EYS: variants seen among roughly 807,000 people sequenced by gnomAD.
EYS encodes EGF-like photoreceptor maintenance factor.
A neutral mutation model predicts 282.1 loss-of-function variants in EYS; 250 were observed. The ratio of observed to expected loss-of-function variants is 0.89; its 90% CI spans 0.80 to 0.98. EYS has a LOEUF of 0.98. Among genes scored for constraint, EYS ranks in the 50% least tolerant of loss-of-function variants. The pLI is 0.00. For synonymous variants in EYS, 1,355 were observed against 1,282.9 expected (o/e 1.06, Z -1.20); for missense variants, 4,016 against 3,709.0 (o/e 1.08, Z -2.15).
Position 63,940,669 on chromosome 6 carries a change from A to AC in EYS, c.7055+43713dup, listed in dbSNP as rs780412549. Among the ~76,000 whole-genome samples, 6 of 151,382 alleles carry AC rather than the reference A, an allele frequency of 4.0e-5. No homozygotes were observed. The East Asian group carries it at 1.2e-3, about 29-fold the overall frequency. ...GAGGAGAAAGGATATCTGCCTGAAT[A>AC]CGTTTTTTTTTCCTCTTTTTTTTTT... On this transcript the variant is annotated intron_variant, in intron 35 of 42. Transcript: ENST00000503581.
intron 29 of EYS, among the ~76,000 whole-genome samples, chr6:64,335,699 G>A (rs1582616554): frequency 6.6e-6 from 1 of 151,986 alleles, no homozygotes; most frequent in Non-Finnish European, 1.5e-5. Context: ...TTAAGACAAA[G>A]GAAAGAATCT....
At chr6:64,079,715 C>T (rs1771896284) in intron 32 of EYS, among the ~76,000 whole-genome samples, 1 of 152,092 alleles carries the variant, frequency 6.6e-6, no homozygotes, top group South Asian at 2.1e-4. Context: ...AATGCTATCG[C>T]TCCCCGCTCC....
intron 34 of EYS, among the ~76,000 whole-genome samples, chr6:63,988,891 A>C (rs2149795063): frequency 6.6e-6 from 1 of 151,808 alleles, no homozygotes; most frequent in East Asian, 1.9e-4. Context: ...ACGTATGAAT[A>C]AAATAAGAAA....
At chr6:65,615,483 T>C (rs1003977010) in intron 2 of EYS, among the ~76,000 whole-genome samples, 22 of 151,052 alleles carry the variant, frequency 1.5e-4, no homozygotes, top group African/African-American at 4.6e-4. Flanking sequence ...AGCTAAATGA[T>C]GTTTACTGTG....
intron 12 of EYS, among the ~76,000 whole-genome samples, chr6:65,281,386 A>C (rs552877208): frequency 3.3e-5 from 5 of 152,212 alleles, no homozygotes; most frequent in African/African-American, 1.2e-4. Context: ...ATAACTCACA[A>C]TGTATGTAGT....
chr6:64,903,310 A>G (rs1446998105), intron 16 of EYS, among the ~76,000 whole-genome samples: 1 of 152,192 alleles, frequency 6.6e-6, no homozygotes, highest in Non-Finnish European at 1.5e-5. Context: ...CAAGCACTAA[A>G]TAAGTGCAGC....
At chr6:64,882,506 A>G (rs1309363886) in intron 19 of EYS, among the ~76,000 whole-genome samples, 1 of 151,752 alleles carries the variant, frequency 6.6e-6, no homozygotes, top group Non-Finnish European at 1.5e-5. Flanking sequence ...GAAATGGTAA[A>G]TGCTATGTTA....
intron 28 of EYS, among the ~76,000 whole-genome samples, chr6:64,425,409 C>T (rs1483700718): frequency 6.6e-6 from 1 of 152,042 alleles, no homozygotes; most frequent in Non-Finnish European, 1.5e-5. Context: ...AATCCCAGCA[C>T]TTTGGGAGGC....
chr6:65,098,933 A>G (rs1774813524), intron 12 of EYS, among the ~76,000 whole-genome samples: 1 of 150,828 alleles, frequency 6.6e-6, no homozygotes, highest in Non-Finnish European at 1.5e-5. Flanking sequence ...ATATGCAAAG[A>G]ATAGCAGAGT....
intron 22 of EYS, among the ~76,000 whole-genome samples, chr6:64,750,346 T>C (rs1386500583): frequency 6.7e-6 from 1 of 149,096 alleles, no homozygotes; most frequent in Non-Finnish European, 1.5e-5. Flanking sequence ...AAAGAATAAA[T>C]GAAAAAAGAT....
At chr6:64,026,637 G>T (rs1366417055) in intron 33 of EYS, among the ~76,000 whole-genome samples, 1 of 152,138 alleles carries the variant, frequency 6.6e-6, no homozygotes, top group Admixed American at 6.5e-5. Flanking sequence ...TACACAATAT[G>T]CAAAGCTTGC....
chr6:64,860,369 G>A (rs992750353), intron 19 of EYS, among the ~76,000 whole-genome samples: 1 of 152,220 alleles, frequency 6.6e-6, no homozygotes, highest in South Asian at 2.1e-4. Flanking sequence ...GAGCAGAGTG[G>A]CAAGGGTTTT....
intron 12 of EYS, among the ~76,000 whole-genome samples, chr6:65,148,193 G>T (rs1249600842): frequency 6.6e-6 from 1 of 152,032 alleles, no homozygotes; most frequent in Non-Finnish European, 1.5e-5. Context: ...GAACTCTAAA[G>T]TCCAAGTCCA....
intron 29 of EYS, among the ~76,000 whole-genome samples, chr6:64,351,066 C>CT (rs34169788): frequency 2.6e-4 from 39 of 147,618 alleles, no homozygotes; most frequent in East Asian, 4.1e-4. Context: ...AATGAAACCT[C>CT]TTTTTTTTTT....
chr6:63,850,521 T>G (rs999393070), intron 36 of EYS, among the ~76,000 whole-genome samples: 1 of 152,192 alleles, frequency 6.6e-6, no homozygotes, highest in African/African-American at 2.4e-5. Flanking sequence ...CGGGTGCCAA[T>G]ATTCAACATT....
At chr6:64,522,993 T>C (rs1777803801) in intron 26 of EYS, among the ~76,000 whole-genome samples, 1 of 151,606 alleles carries the variant, frequency 6.6e-6, no homozygotes, top group Non-Finnish European at 1.5e-5. Flanking sequence ...TTTTGTCTTT[T>C]CAAAAGAAAA....
chr6:64,305,317 T>C (rs1286712871), intron 30 of EYS, among the ~76,000 whole-genome samples: 3 of 150,286 alleles, frequency 2.0e-5, no homozygotes, highest in African/African-American at 4.9e-5. Flanking sequence ...AAAAGTGATA[T>C]ACAGATTTGG....
intron 2 of EYS, among the ~76,000 whole-genome samples, chr6:65,618,511 C>A (rs1391456306): frequency 1.3e-5 from 2 of 152,164 alleles, no homozygotes; most frequent in Non-Finnish European, 2.9e-5. Flanking sequence ...GTTGCTTGTT[C>A]ACTCTGATGG....
chr6:63,863,681 T>A lies in EYS; in HGVS notation c.7228+505A>T, dbSNP rs1434340921. On this transcript the variant is annotated intron_variant, in intron 36 of 42. Transcript: ENST00000503581. ...TTCTTTTCTTTTCTTTTTTCTTTTT[T>A]TTTTTTTTTTTTGAGATGGAGTCTC... Among the ~76,000 whole-genome samples, 3 of 141,070 alleles carry A rather than the reference T, an allele frequency of 2.1e-5. No homozygotes were observed. In the East Asian group the frequency reaches 6.2e-4, roughly 29 times the overall value. 92.5% of individuals were successfully genotyped at this position (141,070 alleles called of 152,430 possible).
Sources: gnomAD v4.1 joint callset for allele counts (sites outside exome capture counted in the v4.1 genomes callset) on GRCh38, gnomAD v4.1.1 for gene constraint, MANE v1.5 for transcripts, NCBI Gene and HGNC (gene_info 2026-07-23, HGNC 2026-07-21) for gene names.